ARNT: variants seen among roughly 807,000 people sequenced by gnomAD.
The protein encoded by ARNT is aryl hydrocarbon receptor nuclear translocator.
Under a neutral mutation model 105.0 loss-of-function variants are expected in ARNT, and 30 were observed. The ratio of observed to expected loss-of-function variants is 0.29; its 90% CI spans 0.21 to 0.39. The LOEUF (loss-of-function observed/expected upper bound fraction) is 0.39, where lower values mean the gene tolerates loss of function less well. ARNT is among the 10% of genes least tolerant of loss of function. The pLI, the probability that ARNT is intolerant of heterozygous loss-of-function variation, is 1.00. For missense variants in ARNT, 748 were observed against 978.7 expected, an observed-to-expected ratio of 0.76 and a Z score of 3.15; for synonymous variants, 304 against 344.0, an observed-to-expected ratio of 0.88 and a Z score of 1.29.
At position 150,867,529 on chromosome 1, in the gene ARNT, G is replaced by T. The variant is rs753647675; in HGVS notation, c.25+9014C>A. 6.4e-4 allele frequency among the ~76,000 whole-genome samples: 98 copies of T among 152,126 alleles called. 1 individual carries two copies. Among genetic ancestry groups the T allele is most frequent in the Admixed American group, 1.6e-3 (25 of 15,266 alleles). On this transcript the variant is annotated intron_variant, in intron 1 of 21. Transcript: ENST00000358595. ...GTAAAACCCTGTCTCAACTTTAAAA[G>T]AAAAAGAGAGAGATATCTTTTAAAT...
chr1:150,835,648 A>G (rs1660185519), intron 7 of ARNT, among the ~76,000 whole-genome samples: 1 of 152,156 alleles, frequency 6.6e-6, no homozygotes, highest in African/African-American at 2.4e-5. Context: ...CAACACTAAT[A>G]TGAGTATATT....
chr1:150,856,982 C>A (rs1225555806), intron 2 of ARNT, among the ~76,000 whole-genome samples: 1 of 150,362 alleles, frequency 6.7e-6, no homozygotes, highest in Non-Finnish European at 1.5e-5. Context: ...TTTTTAAAGA[C>A]TTCCTTTAAT....
rs1162259173 is a variant in ARNT at position 150,871,425 on chromosome 1, C to T, written c.25+5118G>A. 4.0e-5 allele frequency among the ~76,000 whole-genome samples: 6 copies of T among 150,850 alleles called. No homozygotes were observed. In the East Asian group the frequency reaches 8.0e-4, roughly 20 times the overall value. The stretch of plus-strand genomic sequence containing the variant: ...AAGCGATTCTCCCGCCTCAGCCTCC[C>T]GAGTAGCTGGGATTACAGGCACCTG... On this transcript the variant is annotated intron_variant, in intron 1 of 21. Transcript: ENST00000358595.
intron 1 of ARNT, among the ~76,000 whole-genome samples, chr1:150,860,005 T>TAA: frequency 7.5e-6 from 1 of 133,972 alleles, no homozygotes; most frequent in African/African-American, 2.7e-5. Flanking sequence ...AGATCCTGTC[T>TAA]AAAAAAAAAA....
rs587649905 is a variant in ARNT, at chr1:150,854,725, C to T, written c.138-1919G>A. On this transcript the variant is annotated intron_variant, in intron 2 of 21. Transcript: ENST00000358595. ...TACAAAAATTAGCTGGGTGTGGTGG[C>T]GGGCACCTGTAATCCCAGCTACTCG... is the stretch of plus-strand genomic sequence containing the variant. Among the ~76,000 whole-genome samples the T allele has an allele frequency of 6.2e-3, 942 of 151,544 alleles. 5 individuals carry two copies. The highest frequency in any genetic ancestry group is 9.9e-3 in the Non-Finnish European group (675 of 67,866).
rs760346755 is a variant in ARNT at position 150,811,507 on chromosome 1, CAT to C, written c.*512_*513del. The C allele has an allele frequency of 3.0e-4, 69 of 233,806 alleles. No individual in the cohort carries two copies. Among genetic ancestry groups the C allele is most frequent in the East Asian group, 2.5e-3 (42 of 16,722 alleles). The allele number at this position is 233,806 out of a possible 1,614,324, so 14.5% of individuals were successfully genotyped here. ...ACACACACTCTCTCTCACTTACTCA[CAT>C]GTTTCTTTCCAGAGGGACTGCTCAC... On this transcript the variant is annotated 3_prime_UTR_variant, in exon 22 of 22. Transcript: ENST00000358595.
chr1:150,828,300 GTA>G (rs1266237797), intron 12 of ARNT, among the ~76,000 whole-genome samples: 1 of 145,908 alleles, frequency 6.9e-6, no homozygotes, highest in Non-Finnish European at 1.5e-5. Context: ...TTTGTAAATT[GTA>G]TGAGGTAAGA....
intron 1 of ARNT, chr1:150,861,200 A>T (rs762600895): frequency 3.2e-6 from 1 of 310,024 alleles, no homozygotes; most frequent in African/African-American, 2.2e-5. Flanking sequence ...AACAGTATGG[A>T]GATGCCTCCA....
chr1:150,813,481 C>G, intron 20 of ARNT, 143 bp from the exon 21 acceptor site: 1 of 850,548 alleles, frequency 1.2e-6, no homozygotes, highest in Non-Finnish European at 1.7e-6. Flanking sequence ...AATGCCTTTT[C>G]TATCTCAAAA....
Position 150,817,160 on chromosome 1 carries a change from G to C in ARNT, c.1621C>G (p.Pro541Ala), listed in dbSNP as rs750743583. Residue 541 changes from proline to alanine, a missense_variant, in exon 17 of 22, where the codon CCC (proline) becomes GCC (alanine). This residue lies in a region of ARNT where 360 missense variants were observed against 411.9 expected (regional missense o/e 0.87). Coordinates refer to ENST00000358595, the MANE Select transcript of ARNT (RefSeq NM_001668.4). ...VTTTGPEHSK[P>A]LEKSDGLFAQ... ...AATAAACCATCTGACTTCTCAAGGG[G>C]CTTGCTGTGTTCTGGTCCTGTGGTT... The C allele has an allele frequency of 6.2e-7, 1 of 1,614,144 alleles. No individual in the cohort carries two copies. Among genetic ancestry groups the C allele is most frequent in the African/African-American group, 1.3e-5 (1 of 75,018 alleles).
chr1:150,851,847 T>C (rs1162529422), intron 3 of ARNT, among the ~76,000 whole-genome samples: 1 of 151,330 alleles, frequency 6.6e-6, no homozygotes, highest in Admixed American at 6.6e-5. Flanking sequence ...CACCCAAGAA[T>C]GATCAATAAA....
intron 1 of ARNT, among the ~76,000 whole-genome samples, chr1:150,868,236 T>G (rs1441082723): frequency 6.6e-6 from 1 of 151,906 alleles, no homozygotes; most frequent in Non-Finnish European, 1.5e-5. Flanking sequence ...GGGAGGATCA[T>G]TTGAGCTCAG....
In ARNT at chr1:150,811,118, C is replaced by T; in HGVS notation, c.*903G>A. On this transcript the variant is annotated 3_prime_UTR_variant, in exon 22 of 22. Transcript: ENST00000358595. ...TCCAGAAAGTGTTTATCTTGCCAGCCTATTTAGGTAATGTTTGCAGATCTT... is the reference window on the plus strand; with the variant it reads ...TCCAGAAAGTGTTTATCTTGCCAGCTTATTTAGGTAATGTTTGCAGATCTT... 1 of 233,086 alleles carries T rather than the reference C, an allele frequency of 4.3e-6. No homozygotes were observed. The allele number at this position is 233,086 out of a possible 1,614,324, so 14.4% of individuals were successfully genotyped here. A position where few individuals can be genotyped will look rare whatever the true frequency, so the allele number is the denominator to read the frequency against.
intron 21 of ARNT, 47 bp downstream of exon 21, chr1:150,813,125 C>A: frequency 6.3e-7 from 1 of 1,590,120 alleles, no homozygotes; most frequent in South Asian, 1.2e-5. Flanking sequence ...CTCCTGGACC[C>A]TTTCTCTCCC....
intron 3 of ARNT, among the ~76,000 whole-genome samples, chr1:150,850,406 C>A (rs587594417): frequency 2.0e-5 from 3 of 152,324 alleles, no homozygotes; most frequent in East Asian, 1.9e-4. Context: ...CTCAGCCTGC[C>A]GAGTGCCTGC....
intron 1 of ARNT, among the ~76,000 whole-genome samples, chr1:150,860,054 G>C (rs1461226719): frequency 6.6e-6 from 1 of 151,258 alleles, no homozygotes; most frequent in East Asian, 1.9e-4. Flanking sequence ...ATGGAGGCCT[G>C]ATCTTCAACT....
rs747257592 is a variant in ARNT, at chr1:150,813,129, C to G, written c.2280+43G>C. On this transcript the variant is annotated intron_variant, in intron 21 of 21. Transcript: ENST00000358595. ...TGTCTCTCCTCCTCCTGGACCCTTT[C>G]TCTCCCAGCTTCTAATTTTTGAAAG... 3.1e-6 allele frequency: 5 copies of G among 1,593,172 alleles called. No homozygotes were observed. In the Admixed American group the frequency reaches 6.9e-5, roughly 22 times the overall value.
rs587655092 is a variant in ARNT, at chr1:150,836,464, T to C, written c.516A>G (p.Ala172=). Residue 172 remains alanine (A), a synonymous_variant, in exon 7 of 22, where the codon GCA becomes GCG. Coordinates refer to ENST00000358595, the MANE Select transcript of ARNT (RefSeq NM_001668.4). ...ATGAGACAATAAACAGAAAGCCATC[T>C]GCTGCCTCCAAGATCAAATGTTTCA... ...QELKHLILEA[A]DGFLFIVSCE... 8.1e-5 allele frequency: 131 copies of C among 1,614,192 alleles called. No homozygotes were observed. The South Asian group carries it at 1.4e-3, about 17-fold the overall frequency.
rs587608465 is a variant in ARNT, at chr1:150,821,695, C to T, written c.1394+1499G>A. 9.9e-4 allele frequency among the ~76,000 whole-genome samples: 150 copies of T among 152,192 alleles called. 1 individual carries two copies. Among genetic ancestry groups the T allele is most frequent in the African/African-American group, 3.5e-3 (147 of 41,524 alleles). ...ATGGAGTCTCCCTCTGTCACCCAGG[C>T]TGGAGTGCAGTGGTGCGATCTCAGC... On this transcript the variant is annotated intron_variant, in intron 14 of 21. Coordinates refer to ENST00000358595, the MANE Select transcript of ARNT (RefSeq NM_001668.4).
Sources: gnomAD v4.1 joint callset for allele counts (sites outside exome capture counted in the v4.1 genomes callset) on GRCh38, gnomAD v4.1.1 for gene constraint, gnomAD v4.1.1 regional missense constraint, MANE v1.5 for transcripts, NCBI Gene and HGNC (gene_info 2026-07-23, HGNC 2026-07-21) for gene names.